MTPN: variants seen among roughly 807,000 people sequenced by gnomAD.
MTPN encodes granule cell differentiation protein.
Under a neutral mutation model 13.5 loss-of-function variants are expected in MTPN, and 2 were observed. That is an observed-to-expected ratio of 0.15 (90% CI 0.06 to 0.47). The LOEUF (loss-of-function observed/expected upper bound fraction) is 0.47. Ranked by LOEUF, MTPN falls within the 20% of genes least tolerant of loss-of-function variation. MTPN has a pLI of 0.97. For missense variants in MTPN, 79 were observed against 137.9 expected, an observed-to-expected ratio of 0.57 and a Z score of 2.14; for synonymous variants, 46 against 51.7, an observed-to-expected ratio of 0.89 and a Z score of 0.48.
intron 3 of MTPN, among the ~76,000 whole-genome samples, chr7:135,944,654 T>A (rs1221174291): frequency 6.6e-6 from 1 of 151,836 alleles, no homozygotes; most frequent in African/African-American, 2.4e-5. Flanking sequence ...CTCAAAAAAA[T>A]AAATAAATAA....
intron 1 of MTPN, among the ~76,000 whole-genome samples, chr7:135,963,382 G>A (rs1799553531): frequency 6.6e-6 from 1 of 151,896 alleles, no homozygotes; most frequent in South Asian, 2.1e-4. Flanking sequence ...TTACTGTACT[G>A]GTGACTGATA....
At chr7:135,944,818 A>T (rs1056351713) in intron 3 of MTPN, among the ~76,000 whole-genome samples, 1 of 152,232 alleles carries the variant, frequency 6.6e-6, no homozygotes, top group Non-Finnish European at 1.5e-5. Flanking sequence ...TGTAGGAGAC[A>T]TATTTCAAGA....
intron 1 of MTPN, among the ~76,000 whole-genome samples, chr7:135,965,131 C>T (rs1799586074): frequency 6.6e-6 from 1 of 152,082 alleles, no homozygotes; most frequent in Non-Finnish European, 1.5e-5. Flanking sequence ...TAAGCATTGG[C>T]CTCTCTAAAT....
At chr7:135,933,238 C>T (rs962174240) in intron 3 of MTPN, among the ~76,000 whole-genome samples, 1 of 151,780 alleles carries the variant, frequency 6.6e-6, no homozygotes, top group Admixed American at 6.6e-5. Context: ...ATAATATACT[C>T]ATGCTGATAT....
At chr7:135,938,811 C>T (rs1799155856) in intron 3 of MTPN, among the ~76,000 whole-genome samples, 1 of 152,192 alleles carries the variant, frequency 6.6e-6, no homozygotes, top group Admixed American at 6.5e-5. Context: ...TAAAGCTTAG[C>T]TAGTGTAAGG....
At chr7:135,973,140 T>C (rs1243030706) in intron 1 of MTPN, among the ~76,000 whole-genome samples, 1 of 150,602 alleles carries the variant, frequency 6.6e-6, no homozygotes, top group Non-Finnish European at 1.5e-5. Context: ...TGAAAAAGAT[T>C]ACATGCTTAT....
intron 1 of MTPN, among the ~76,000 whole-genome samples, chr7:135,962,518 G>A (rs1196832900): frequency 6.6e-6 from 1 of 152,000 alleles, no homozygotes; most frequent in Non-Finnish European, 1.5e-5. Flanking sequence ...CCAATCTGGA[G>A]GTGGTTAAAT....
intron 1 of MTPN, among the ~76,000 whole-genome samples, chr7:135,972,261 C>CACACACACA (rs35026808): frequency 3.3e-5 from 3 of 90,764 alleles, no homozygotes; most frequent in Admixed American, 9.4e-5. Context: ...ACACACACAC[C>CACACACACA]CCATGTAGAT....
intron 3 of MTPN, among the ~76,000 whole-genome samples, chr7:135,942,402 A>C (rs901513944): frequency 1.3e-5 from 2 of 152,140 alleles, no homozygotes; most frequent in African/African-American, 4.8e-5. Flanking sequence ...AGTGGCTTAT[A>C]CACATTATCT....
At chr7:135,961,655 T>A (rs949847804) in intron 1 of MTPN, among the ~76,000 whole-genome samples, 2 of 151,772 alleles carry the variant, frequency 1.3e-5, no homozygotes, top group African/African-American at 4.8e-5. Context: ...GCTCTTAACA[T>A]CAAATTTAAA....
At chr7:135,969,928 T>C (rs56337544) in intron 1 of MTPN, among the ~76,000 whole-genome samples, 3,899 of 152,310 alleles carry the variant, frequency 0.026, 93 homozygotes, top group Admixed American at 0.037. Context: ...AAAAGTCTGA[T>C]GATGCCCAGT....
chr7:135,953,264 T>G (rs1304421329), intron 1 of MTPN, among the ~76,000 whole-genome samples: 1 of 152,218 alleles, frequency 6.6e-6, no homozygotes, highest in African/African-American at 2.4e-5. Flanking sequence ...CTCGTAAAAC[T>G]CACAGGAATC....
At chr7:135,933,190 C>G (rs1799053736) in intron 3 of MTPN, among the ~76,000 whole-genome samples, 1 of 150,410 alleles carries the variant, frequency 6.6e-6, no homozygotes, top group African/African-American at 2.4e-5. Context: ...TTGAAGAAAC[C>G]ATTTTTTAAT....
intron 3 of MTPN, among the ~76,000 whole-genome samples, chr7:135,933,866 A>C (rs1374144461): frequency 6.6e-6 from 1 of 152,008 alleles, no homozygotes; most frequent in Non-Finnish European, 1.5e-5. Context: ...ATGGTTTGGC[A>C]CCACCCCTCA....
chr7:135,941,277 T>C (rs894638580), intron 3 of MTPN, among the ~76,000 whole-genome samples: 2 of 145,266 alleles, frequency 1.4e-5, no homozygotes, highest in African/African-American at 5.0e-5. Flanking sequence ...TGAGTTCAGA[T>C]GTCAAGTGAT....
chr7:135,976,802 A>G (rs1334204004), intron 1 of MTPN, among the ~76,000 whole-genome samples: 1 of 152,006 alleles, frequency 6.6e-6, no homozygotes, highest in Admixed American at 6.6e-5. Context: ...GTAGCGCCTA[A>G]CTGTATTAAC....
At chr7:135,935,864 C>T (rs554884759) in intron 3 of MTPN, among the ~76,000 whole-genome samples, 40 of 152,096 alleles carry the variant, frequency 2.6e-4, no homozygotes, top group African/African-American at 8.9e-4. Context: ...CTCTACTGGA[C>T]TCTTAGACAC....
intron 1 of MTPN, among the ~76,000 whole-genome samples, chr7:135,955,285 A>AT (rs1018695404): frequency 6.6e-6 from 1 of 152,224 alleles, no homozygotes; most frequent in Non-Finnish European, 1.5e-5. Flanking sequence ...AGAGAAAAGA[A>AT]TAAAGATCAG....
In MTPN at chr7:135,969,934, C is replaced by T. The variant is rs369601166; in HGVS notation, c.72+7095G>A. Reference sequence around the variant, plus strand: ...CAAAATCTAAAAAGTCTGATGATGCCCAGTGCTGTTGATGGTGTGAGGGAA... The same window carrying T: ...CAAAATCTAAAAAGTCTGATGATGCTCAGTGCTGTTGATGGTGTGAGGGAA... On this transcript the variant is annotated intron_variant, in intron 1 of 3. Coordinates refer to ENST00000393085, the MANE Select transcript of MTPN (RefSeq NM_145808.4). Among the ~76,000 whole-genome samples the T allele has an allele frequency of 3.9e-5, 6 of 152,142 alleles. No individual in the cohort carries two copies. The East Asian group carries it at 7.7e-4, about 20-fold the overall frequency.
Sources: allele counts gnomAD v4.1 joint callset (sites outside exome capture counted in the v4.1 genomes callset), GRCh38; gene constraint gnomAD v4.1.1; transcripts MANE v1.5; gene names NCBI Gene and HGNC (gene_info 2026-07-23, HGNC 2026-07-21).